DYNC2I1: variants seen among roughly 807,000 people sequenced by gnomAD.
DYNC2I1 encodes the protein dynein 2 intermediate chain 1.
A neutral mutation model predicts 133.4 loss-of-function variants in DYNC2I1; 89 were observed. The observed-to-expected ratio is 0.67, with a 90% confidence interval of 0.56 to 0.80. DYNC2I1 has a LOEUF of 0.80. DYNC2I1 is among the 30% of genes least tolerant of loss of function. The pLI is 0.00. For synonymous variants in DYNC2I1, 504 were observed against 484.3 expected, an observed-to-expected ratio of 1.04 and a Z score of -0.54; for missense variants, 1,291 against 1,314.5, an observed-to-expected ratio of 0.98 and a Z score of 0.28.
At position 158,914,496 on chromosome 7, in the gene DYNC2I1, C is replaced by G. The variant is rs1479063368; in HGVS notation, c.1791+175C>G. ...AATTATCAGTGGTACATTCATTAAG[C>G]CCTTGTGGGCAGAATGACCCTGGGT... is the stretch of plus-strand genomic sequence containing the variant. On this transcript the variant is annotated intron_variant, in intron 14 of 24. Transcript: ENST00000407559. 2.6e-5 allele frequency among the ~76,000 whole-genome samples: 4 copies of G among 152,118 alleles called. No individual in the cohort carries two copies. In the South Asian group the frequency reaches 8.3e-4, roughly 31 times the overall value.
chr7:158,948,052 C>T (rs1851943934), downstream of DYNC2I1, among the ~76,000 whole-genome samples: 1 of 152,224 alleles, frequency 6.6e-6, no homozygotes, highest in Admixed American at 6.5e-5. Flanking sequence ...TGGCCCGGTG[C>T]TTGTGGGCCC....
At chr7:158,839,457 G>A in the DYNC2I1 span, among the ~76,000 whole-genome samples, 11 of 150,602 alleles carry the variant, frequency 7.3e-5, no homozygotes, top group South Asian at 1.1e-3. Context: ...ATGTGACTCC[G>A]TAACACCTGA....
chr7:158,873,201 ATT>A (rs1253290392), intron 3 of DYNC2I1, among the ~76,000 whole-genome samples: 1 of 152,188 alleles, frequency 6.6e-6, no homozygotes, highest in African/African-American at 2.4e-5. Context: ...CCAAATGGAA[ATT>A]TCTTCAGTAT....
At chr7:158,901,382 G>GT (rs1846243906) in intron 8 of DYNC2I1, among the ~76,000 whole-genome samples, 1 of 152,184 alleles carries the variant, frequency 6.6e-6, no homozygotes, top group African/African-American at 2.4e-5. Context: ...CAGCTACACT[G>GT]TCTTTAATGG....
At chr7:158,896,110 T>G (rs1845735924) in intron 8 of DYNC2I1, among the ~76,000 whole-genome samples, 1 of 152,216 alleles carries the variant, frequency 6.6e-6, no homozygotes, top group South Asian at 2.1e-4. Context: ...CTTATTTCAT[T>G]AGTTAGAACT....
At chr7:158,948,376 C>T (rs944041874), downstream of DYNC2I1, among the ~76,000 whole-genome samples, 2 of 152,170 alleles carry the variant, frequency 1.3e-5, no homozygotes, top group South Asian at 2.1e-4. Flanking sequence ...CTTTTTCAGT[C>T]GTGTTTTTGT....
chr7:158,871,649 C>T, intron 3 of DYNC2I1, 87 bp downstream of exon 3: 2 of 1,358,738 alleles, frequency 1.5e-6, no homozygotes, highest in Non-Finnish European at 1.9e-6. Flanking sequence ...CCTCCCCTCC[C>T]TCTCTCCCCC....
intron 1 of DYNC2I1, among the ~76,000 whole-genome samples, chr7:158,862,968 G>A (rs963193803): frequency 2.0e-5 from 3 of 152,122 alleles, no homozygotes; most frequent in Admixed American, 1.3e-4. Context: ...GACTTCAGGA[G>A]TGAAGCCCCA....
chr7:158,884,165 C>T (rs1439045359), intron 5 of DYNC2I1, among the ~76,000 whole-genome samples: 1 of 151,700 alleles, frequency 6.6e-6, no homozygotes, highest in African/African-American at 2.4e-5. Flanking sequence ...CTGCCTCAGC[C>T]TCCCGAGTAG....
chr7:158,871,227 A>G lies in DYNC2I1; in HGVS notation c.155A>G (p.His52Arg). The change falls in exon 3 of 25, where the codon CAT becomes CGT. Residue 52 changes from histidine (H) to arginine (R), a missense_variant. Transcript: ENST00000407559. ...RKESEMDLPE[H>R]KEPRCRDPDQ... ...GAGTCTGAGATGGACCTTCCTGAACATAAGGAGCCGAGGTGCAGGGATCCC... is the reference window on the plus strand; with the variant it reads ...GAGTCTGAGATGGACCTTCCTGAACGTAAGGAGCCGAGGTGCAGGGATCCC... The G allele has an allele frequency of 6.2e-7, 1 of 1,613,500 alleles. No individual in the cohort carries two copies. Among genetic ancestry groups the G allele is most frequent in the Non-Finnish European group, 8.5e-7 (1 of 1,179,662 alleles).
chr7:158,913,239 A>G lies in DYNC2I1; in HGVS notation c.1702+143A>G, dbSNP rs1585132243. 1.2e-5 allele frequency: 7 copies of G among 596,990 alleles called. No homozygotes were observed. The East Asian group carries it at 2.3e-4, about 20-fold the overall frequency. 37.0% of individuals were successfully genotyped at this position (596,990 alleles called of 1,614,324 possible). ...TAGCATGTGACAATAGCAGTACCCA[A>G]TTTTCTTTTAAAGAAACGCTAACCA... On this transcript the variant is annotated intron_variant, in intron 13 of 24. Transcript: ENST00000407559.
At chr7:158,849,536 G>A in the DYNC2I1 span, among the ~76,000 whole-genome samples, 1 of 152,326 alleles carries the variant, frequency 6.6e-6, no homozygotes, top group Middle Eastern at 3.4e-3. Flanking sequence ...GAGCGTTATT[G>A]AGTGTTACAA....
In DYNC2I1 at chr7:158,867,090, A is replaced by C. The variant is rs1409574180; in HGVS notation, c.16-2765A>C. Among the ~76,000 whole-genome samples, 9 of 148,976 alleles carry C rather than the reference A, an allele frequency of 6.0e-5. No individual in the cohort carries two copies. In the Admixed American group the frequency reaches 6.1e-4, roughly 10 times the overall value. On this transcript the variant is annotated intron_variant, in intron 1 of 24. Transcript: ENST00000407559. ...TTATACCTTTAAGGAAGTGTTTCTC[A>C]AAGGGAAAAATTGAATAATTATGGT...
At chr7:158,872,329 A>T (rs1236630274) in intron 3 of DYNC2I1, among the ~76,000 whole-genome samples, 1 of 151,256 alleles carries the variant, frequency 6.6e-6, no homozygotes, top group African/African-American at 2.4e-5. Flanking sequence ...AGAAAAACAA[A>T]AGCTCTAAAA....
intron 1 of DYNC2I1, among the ~76,000 whole-genome samples, 155 bp downstream of exon 1, chr7:158,856,905 A>G (rs1841304221): frequency 6.6e-6 from 1 of 151,878 alleles, no homozygotes; most frequent in African/African-American, 2.4e-5. Flanking sequence ...CGAGGCAGGA[A>G]GGGAAACGGA....
intron 15 of DYNC2I1, among the ~76,000 whole-genome samples, chr7:158,921,915 C>G (rs193114292): frequency 6.6e-6 from 1 of 152,206 alleles, no homozygotes; most frequent in Non-Finnish European, 1.5e-5. Context: ...AGTCCCTCGC[C>G]GGGTGGAGCA....
chr7:158,957,794 A>AGCAGCGCCGGGC (rs1043760238), downstream of DYNC2I1, among the ~76,000 whole-genome samples: 4 of 152,150 alleles, frequency 2.6e-5, no homozygotes, highest in African/African-American at 9.7e-5. Flanking sequence ...CTAGGGAAAG[A>AGCAGCGCCGGGC]GCAGCGCCGG....
chr7:158,926,085 C>A, intron 17 of DYNC2I1, 102 bp from the exon 18 acceptor site: 1 of 866,820 alleles, frequency 1.2e-6, no homozygotes, highest in Non-Finnish European at 1.9e-6. Context: ...AGAGTTGGAT[C>A]TGTGAGACCC....
At chr7:158,938,624 C>T (rs752607906) in intron 23 of DYNC2I1, among the ~76,000 whole-genome samples, 7 of 152,012 alleles carry the variant, frequency 4.6e-5, no homozygotes, top group Admixed American at 1.3e-4. Flanking sequence ...GATGTGGTGG[C>T]GGGCACCTGT....
Sources: allele counts gnomAD v4.1 joint callset (sites outside exome capture counted in the v4.1 genomes callset), GRCh38; gene constraint gnomAD v4.1.1; transcripts MANE v1.5; gene names NCBI Gene and HGNC (gene_info 2026-07-23, HGNC 2026-07-21).